The following ANKRD44 variants were observed in gnomAD, a reference collection of about 807,000 sequenced individuals.
The protein encoded by ANKRD44 is ankyrin repeat domain 44, also known as serine/threonine-protein phosphatase 6 regulatory ankyrin repeat subunit B.
In ANKRD44, 35 loss-of-function variants were observed where a neutral mutation model predicts 116.0. The observed-to-expected ratio is 0.30, with a 90% CI of 0.23 to 0.40. The LOEUF (loss-of-function observed/expected upper bound fraction) is 0.40, where lower values mean the gene tolerates loss of function less well. ANKRD44 is among the 10% of genes least tolerant of loss of function. The pLI is 1.00. For synonymous variants in ANKRD44, 435 were observed against 461.8 expected (o/e 0.94, Z 0.74); for missense variants, 1,014 against 1,242.6 (o/e 0.82, Z 2.77).
intron 10 of ANKRD44, among the ~76,000 whole-genome samples, chr2:197,094,295 C>T (rs1349179049): frequency 2.0e-5 from 3 of 152,176 alleles, no homozygotes; most frequent in Admixed American, 6.5e-5. Flanking sequence ...AAGTGCATAA[C>T]GGTTCCCTCC....
intron 16 of ANKRD44, among the ~76,000 whole-genome samples, chr2:197,053,432 C>A (rs1013278762): frequency 1.3e-4 from 19 of 151,708 alleles, no homozygotes; most frequent in African/African-American, 4.6e-4. Flanking sequence ...TTATTTATAC[C>A]CATTCTGTCT....
intron 1 of ANKRD44, among the ~76,000 whole-genome samples, chr2:197,257,097 T>C (rs928966649): frequency 6.6e-6 from 1 of 152,210 alleles, no homozygotes; most frequent in Non-Finnish European, 1.5e-5. Context: ...GCACTCTCCT[T>C]GCACAGGTTT....
chr2:197,206,393 A>G (rs762504175), intron 1 of ANKRD44, among the ~76,000 whole-genome samples: 6 of 152,194 alleles, frequency 3.9e-5, no homozygotes, highest in Non-Finnish European at 8.8e-5. Context: ...TTTCAAAAGT[A>G]TTAAATAAGG....
At chr2:197,036,843 A>T (rs924126146) in intron 16 of ANKRD44, among the ~76,000 whole-genome samples, 2 of 152,212 alleles carry the variant, frequency 1.3e-5, no homozygotes, top group African/African-American at 4.8e-5. Flanking sequence ...GACCTAGTAA[A>T]CCTACTTCAG....
rs2075849260 is a variant in ANKRD44 at position 196,987,303 on chromosome 2, T to G, written c.*2288A>C. ...AAGGGGAAATAGGAAAAAAGACACT[T>G]TATACATTCAAAGAAAAGTTGAAAT... On this transcript the variant is annotated 3_prime_UTR_variant, in exon 28 of 28. Coordinates refer to ENST00000282272, the MANE Select transcript of ANKRD44 (RefSeq NM_001195144.2). 5.1e-6 allele frequency: 5 copies of G among 985,290 alleles called. No individual in the cohort carries two copies. The highest frequency in any genetic ancestry group is 6.0e-6 in the Non-Finnish European group (5 of 829,806). 61.0% of individuals were successfully genotyped at this position (985,290 alleles called of 1,614,324 possible).
At chr2:197,293,493 T>A (rs1046274244) in intron 1 of ANKRD44, among the ~76,000 whole-genome samples, 1 of 152,190 alleles carries the variant, frequency 6.6e-6, no homozygotes, top group Non-Finnish European at 1.5e-5. Flanking sequence ...ATTAAACATA[T>A]CTGCATTTAC....
At chr2:197,284,612 G>A (rs181875669) in intron 1 of ANKRD44, among the ~76,000 whole-genome samples, 83 of 152,076 alleles carry the variant, frequency 5.5e-4, no homozygotes, top group Non-Finnish European at 7.4e-4. Context: ...AGAGCCAGGC[G>A]TGGTGGCTCA....
intron 1 of ANKRD44, among the ~76,000 whole-genome samples, chr2:197,282,613 T>C (rs1022880051): frequency 6.6e-6 from 1 of 152,116 alleles, no homozygotes; most frequent in African/African-American, 2.4e-5. Context: ...TTTTATTTTA[T>C]TTTTTTGAGA....
chr2:197,177,510 C>A (rs927223060), intron 2 of ANKRD44, among the ~76,000 whole-genome samples: 37 of 152,080 alleles, frequency 2.4e-4, no homozygotes, highest in African/African-American at 8.7e-4. Flanking sequence ...CTGACAAATA[C>A]AATGAACACA....
chr2:197,011,480 T>C (rs2076300233), intron 18 of ANKRD44, among the ~76,000 whole-genome samples: 1 of 151,950 alleles, frequency 6.6e-6, no homozygotes, highest in African/African-American at 2.4e-5. Flanking sequence ...CAGGTATTTT[T>C]TTTTTTTTTT....
chr2:197,154,995 T>C (rs2079771886), intron 2 of ANKRD44, among the ~76,000 whole-genome samples: 1 of 152,236 alleles, frequency 6.6e-6, no homozygotes, highest in Admixed American at 6.5e-5. Flanking sequence ...CAATATGATA[T>C]CTAACTCCTG....
At chr2:197,288,236 T>G (rs555601708) in intron 1 of ANKRD44, among the ~76,000 whole-genome samples, 1 of 152,254 alleles carries the variant, frequency 6.6e-6, no homozygotes, top group East Asian at 1.9e-4. Context: ...TTCAACCAGT[T>G]GCACAGAGTG....
At chr2:197,192,245 G>A (rs2080841818) in intron 1 of ANKRD44, among the ~76,000 whole-genome samples, 1 of 152,312 alleles carries the variant, frequency 6.6e-6, no homozygotes, top group South Asian at 2.1e-4. Context: ...CTGTCATTGA[G>A]CATTGGTAAC....
chr2:196,992,941 C>T (rs545130267), intron 27 of ANKRD44: 12 of 152,660 alleles, frequency 7.9e-5, no homozygotes, highest in African/African-American at 1.9e-4. Flanking sequence ...AGGCATTGTG[C>T]TTAAAATGGC....
chr2:197,068,408 A>AT (rs2077486681), intron 16 of ANKRD44, among the ~76,000 whole-genome samples: 1 of 57,180 alleles, frequency 1.7e-5, no homozygotes, highest in African/African-American at 4.3e-5. Context: ...TAAAAATAAA[A>AT]TAAAAAAAAA....
intron 2 of ANKRD44, among the ~76,000 whole-genome samples, chr2:197,168,039 C>T (rs907402547): frequency 1.3e-5 from 2 of 152,236 alleles, no homozygotes; most frequent in Non-Finnish European, 2.9e-5. Flanking sequence ...GTTCAACAAC[C>T]TTGTGGCTGC....
In ANKRD44 at chr2:197,121,354, T is replaced by C. The variant is rs757491203; in HGVS notation, c.884A>G (p.Asn295Ser). 2.5e-6 allele frequency: 4 copies of C among 1,614,154 alleles called. No homozygotes were observed. Among genetic ancestry groups the C allele is most frequent in the South Asian group, 2.2e-5 (2 of 91,078 alleles). ...GALCLELLVN[N>S]GADVNIQSKD... ...TACCTGAATGTTAACATCTGCCCCG[T>C]TGTTTACTAACAATTCAAGACACAA... The change falls in exon 8 of 28, where the codon AAC (asparagine) becomes AGC (serine). Residue 295 changes from asparagine to serine, a missense_variant. Transcript: ENST00000282272.
intron 16 of ANKRD44, among the ~76,000 whole-genome samples, chr2:197,035,535 T>A (rs973553479): frequency 6.6e-6 from 1 of 152,152 alleles, no homozygotes; most frequent in Non-Finnish European, 1.5e-5. Context: ...AAGGAGGTTC[T>A]CTGAGAAGAG....
intron 2 of ANKRD44, among the ~76,000 whole-genome samples, chr2:197,155,994 C>G (rs1431122177): frequency 6.6e-6 from 1 of 152,102 alleles, no homozygotes; most frequent in Admixed American, 6.5e-5. Context: ...AAAAAGTAGG[C>G]AAAAGATTTG....
Sources: allele counts gnomAD v4.1 joint callset (sites outside exome capture counted in the v4.1 genomes callset), GRCh38; gene constraint gnomAD v4.1.1; transcripts MANE v1.5; gene names NCBI Gene and HGNC (gene_info 2026-07-23, HGNC 2026-07-21).